The following ASAP2 variants were observed in gnomAD, a reference collection of about 807,000 sequenced individuals.
ASAP2 encodes arf-GAP with SH3 domain, ANK repeat and PH domain-containing protein 2.
Under a neutral mutation model 131.4 loss-of-function variants are expected in ASAP2, and 45 were observed. The ratio of observed to expected loss-of-function variants is 0.34; its 90% CI spans 0.27 to 0.44. The LOEUF (loss-of-function observed/expected upper bound fraction) is 0.44, where lower values mean the gene tolerates loss of function less well. ASAP2 is among the 20% of genes least tolerant of loss of function. The pLI, the probability that ASAP2 is intolerant of heterozygous loss-of-function variation, is 1.00. For missense variants in ASAP2, 1,011 were observed against 1,297.0 expected, an observed-to-expected ratio of 0.78 and a Z score of 3.39; for synonymous variants, 510 against 503.0, an observed-to-expected ratio of 1.01 and a Z score of -0.19.
intron 7 of ASAP2, among the ~76,000 whole-genome samples, chr2:9,329,850 T>C (rs1670716009): frequency 6.6e-6 from 1 of 152,232 alleles, no homozygotes; most frequent in African/African-American, 2.4e-5. Context: ...CCCTGTCTTC[T>C]GTTCCTCCTA....
intron 1 of ASAP2, among the ~76,000 whole-genome samples, chr2:9,223,406 C>G (rs1357460371): frequency 2.6e-5 from 4 of 152,302 alleles, no homozygotes; most frequent in Admixed American, 2.6e-4. Flanking sequence ...GTATACTAAG[C>G]CAGTAAGGCC....
intron 1 of ASAP2, among the ~76,000 whole-genome samples, chr2:9,253,478 A>C (rs963581735): frequency 6.6e-6 from 1 of 152,198 alleles, no homozygotes; most frequent in Non-Finnish European, 1.5e-5. Flanking sequence ...TTCACGTTTT[A>C]AATGTGCAGT....
intron 16 of ASAP2, among the ~76,000 whole-genome samples, chr2:9,371,196 A>C (rs558048793): frequency 6.6e-6 from 1 of 152,192 alleles, no homozygotes; most frequent in African/African-American, 2.4e-5. Flanking sequence ...GCTTTTTTCA[A>C]AATGAGGGCG....
intron 11 of ASAP2, among the ~76,000 whole-genome samples, chr2:9,348,971 G>T (rs375978845): frequency 6.6e-6 from 1 of 152,122 alleles, no homozygotes; most frequent in African/African-American, 2.4e-5. Flanking sequence ...AGCCTGACTT[G>T]TTGGAATCCT....
chr2:9,293,592 G>T (rs1363820187), intron 2 of ASAP2, among the ~76,000 whole-genome samples: 2 of 152,128 alleles, frequency 1.3e-5, no homozygotes, highest in Non-Finnish European at 2.9e-5. Flanking sequence ...GGCACTGAAT[G>T]ATTTTCTGTT....
chr2:9,298,051 A>G (rs1373095944), intron 3 of ASAP2, among the ~76,000 whole-genome samples: 1 of 152,050 alleles, frequency 6.6e-6, no homozygotes, highest in Non-Finnish European at 1.5e-5. Context: ...TATCCTCGTG[A>G]TGGGGACAAC....
intron 9 of ASAP2, among the ~76,000 whole-genome samples, chr2:9,344,124 G>T (rs1671788080): frequency 6.6e-6 from 1 of 152,138 alleles, no homozygotes; most frequent in African/African-American, 2.4e-5. Flanking sequence ...CTGTAGTAAG[G>T]GACAGAAAGC....
chr2:9,320,439 CAGAAAAGA>C, intron 5 of ASAP2, 102 bp downstream of exon 5: 1 of 871,488 alleles, frequency 1.1e-6, no homozygotes, highest in East Asian at 2.6e-5. Context: ...AACCTTAATC[CAGAAAAGA>C]ATGTTTATCA....
At chr2:9,300,208 G>C (rs1339874048) in intron 3 of ASAP2, among the ~76,000 whole-genome samples, 3 of 152,200 alleles carry the variant, frequency 2.0e-5, no homozygotes. Context: ...ACTCCACCTG[G>C]GCGACAGAGA....
rs780685891 is a variant in ASAP2, at chr2:9,400,847, C to G, written c.2823+17C>G. On this transcript the variant is annotated intron_variant, in intron 26 of 27. Coordinates refer to ENST00000281419, the MANE Select transcript of ASAP2 (RefSeq NM_003887.3). ...TCGCAGGCAGTAAGTGACGAGCCCC[C>G]TTTCCTGCCTCTCTGCTCTAGCCAG... The G allele has an allele frequency of 2.5e-5, 40 of 1,607,968 alleles. No homozygotes were observed. Among genetic ancestry groups the G allele is most frequent in the Non-Finnish European group, 3.4e-5 (40 of 1,175,558 alleles).
At chr2:9,216,507 C>G (rs190450420) in intron 1 of ASAP2, among the ~76,000 whole-genome samples, 1 of 138,188 alleles carries the variant, frequency 7.2e-6, no homozygotes, top group Non-Finnish European at 1.5e-5. Flanking sequence ...GTCACCCAGG[C>G]TGGACTGCAG....
chr2:9,320,833 G>A (rs1670105325), intron 5 of ASAP2, among the ~76,000 whole-genome samples: 1 of 152,176 alleles, frequency 6.6e-6, no homozygotes, highest in Non-Finnish European at 1.5e-5. Flanking sequence ...ATAACCTGAA[G>A]AATGGAGAAT....
At position 9,348,952 on chromosome 2, in the gene ASAP2, C is replaced by A. The variant is rs548997666; in HGVS notation, c.1024-1856C>A. 9.9e-5 allele frequency among the ~76,000 whole-genome samples: 15 copies of A among 152,252 alleles called. No individual in the cohort carries two copies. The South Asian group carries it at 2.1e-3, about 21-fold the overall frequency. ...GGAGGGTGGCAGTTGAGCCCCGAGC[C>A]CTGGAGCCAGCCTGACTTGTTGGAA... On this transcript the variant is annotated intron_variant, in intron 11 of 27. Coordinates refer to ENST00000281419, the MANE Select transcript of ASAP2 (RefSeq NM_003887.3).
At position 9,388,421 on chromosome 2, in the gene ASAP2, T is replaced by A. The variant is rs1054987968; in HGVS notation, c.2258T>A (p.Phe753Tyr). 6.2e-7 allele frequency: 1 copy of A among 1,614,158 alleles called. No homozygotes were observed. Among genetic ancestry groups the A allele is most frequent in the Non-Finnish European group, 8.5e-7 (1 of 1,180,008 alleles). The change falls in exon 22 of 28, where the codon TTC becomes TAC. Residue 753 changes from phenylalanine (F) to tyrosine (Y), a missense_variant. This residue lies in a region of ASAP2 where 652 missense variants were observed against 698.9 expected (regional missense o/e 0.93). Coordinates refer to ENST00000281419, the MANE Select transcript of ASAP2 (RefSeq NM_003887.3). ...CTTGCCAAGGAGAAGCAGAGGGCTT[T>A]CATGCCCAGCATCTTGCAGAATGAG... is the stretch of plus-strand genomic sequence containing the variant. ...ANLAKEKQRA[F>Y]MPSILQNETY...
intron 3 of ASAP2, among the ~76,000 whole-genome samples, chr2:9,302,139 T>TTC (rs1553308148): frequency 5.8e-5 from 8 of 137,416 alleles, no homozygotes; most frequent in Admixed American, 2.2e-4. Context: ...TTTTTTTTTT[T>TTC]CCCAAACACA....
chr2:9,242,137 CTG>C (rs1337762517), intron 1 of ASAP2, among the ~76,000 whole-genome samples: 1 of 152,142 alleles, frequency 6.6e-6, no homozygotes, highest in Non-Finnish European at 1.5e-5. Context: ...GGTCTGTGCT[CTG>C]TGCTGGAATG....
chr2:9,279,882 T>TTACACATACATATTTTG (rs1415004621), intron 2 of ASAP2, among the ~76,000 whole-genome samples: 2 of 152,120 alleles, frequency 1.3e-5, no homozygotes, highest in Non-Finnish European at 2.9e-5. Flanking sequence ...ACATATATAT[T>TTACACATACATATTTTG]TACACATATA....
chr2:9,389,847 C>T lies in ASAP2; in HGVS notation c.2384-1215C>T, dbSNP rs6706329. 0.023 allele frequency among the ~76,000 whole-genome samples: 3,439 copies of T among 152,236 alleles called. 130 individuals are homozygous for T. The highest frequency in any genetic ancestry group is 0.076 in the African/African-American group (3,175 of 41,524). ...CAGCTACAAGATGAAGCCACACAGTCGCATCTCCTCCCTGTCAAACCCCCA... is the reference window on the plus strand; with the variant it reads ...CAGCTACAAGATGAAGCCACACAGTTGCATCTCCTCCCTGTCAAACCCCCA... On this transcript the variant is annotated intron_variant, in intron 22 of 27. Transcript: ENST00000281419. This position sits in a 1 kb window ranked among gnomAD's most constrained non-coding sequence, Gnocchi z 4.7.
At position 9,388,604 on chromosome 2, in the gene ASAP2, G is replaced by T. The variant is rs1675483904; in HGVS notation, c.2383+58G>T. The stretch of plus-strand genomic sequence containing the variant: ...TAGAGGGTCTTGTTTTGTGGTTTGG[G>T]AAGTTTGCAGCTGCCCTGCCTCCAA... On this transcript the variant is annotated intron_variant, in intron 22 of 27. Transcript: ENST00000281419. 2.8e-5 allele frequency: 43 copies of T among 1,559,910 alleles called. No homozygotes were observed. The South Asian group carries it at 4.7e-4, about 17-fold the overall frequency.
Sources: gnomAD v4.1 joint callset for allele counts (sites outside exome capture counted in the v4.1 genomes callset) on GRCh38, gnomAD v4.1.1 for gene constraint, gnomAD v4.1.1 regional missense constraint, Gnocchi (gnomAD v3.1) non-coding constraint, MANE v1.5 for transcripts, NCBI Gene and HGNC (gene_info 2026-07-23, HGNC 2026-07-21) for gene names.